The following DPF3 variants were observed in gnomAD, a reference collection of about 807,000 sequenced individuals.
DPF3 encodes double PHD fingers 3.
Under a neutral mutation model 56.8 loss-of-function variants are expected in DPF3, and 18 were observed. The observed-to-expected ratio is 0.32, with a 90% CI of 0.22 to 0.47. DPF3 has a LOEUF of 0.47. Among genes scored for constraint, DPF3 ranks in the 20% least tolerant of loss-of-function variants. DPF3 has a pLI of 1.00. For synonymous variants in DPF3, 188 were observed against 180.2 expected (o/e 1.04, Z -0.35); for missense variants, 403 against 488.8 (o/e 0.82, Z 1.65).
chr14:72,863,122 GTGTGTGTGTGTGTGTATATATATA>G (rs1885515045), intron 1 of DPF3, among the ~76,000 whole-genome samples: 2 of 77,112 alleles, frequency 2.6e-5, no homozygotes, highest in African/African-American at 1.5e-4. Context: ...ACATATATGT[GTGTGTGTGTGTGTGTATATATATA>G]TGTGTGTGTG....
At chr14:72,661,560 C>A in intron 8 of DPF3, 2 of 985,544 alleles carry the variant, frequency 2.0e-6, no homozygotes, top group Non-Finnish European at 2.4e-6. Context: ...GTCAGCCCTG[C>A]ACCTTTGCTG....
At chr14:72,712,740 G>A (rs1226240828) in intron 6 of DPF3, among the ~76,000 whole-genome samples, 1 of 152,092 alleles carries the variant, frequency 6.6e-6, no homozygotes, top group Non-Finnish European at 1.5e-5. Context: ...AGTGGCATGG[G>A]CCTGTAGTCC....
chr14:72,720,329 A>G (rs1422084473), intron 5 of DPF3, among the ~76,000 whole-genome samples: 1 of 145,458 alleles, frequency 6.9e-6, no homozygotes, highest in Non-Finnish European at 1.5e-5. Flanking sequence ...CCCCATCTCT[A>G]AAACATAATA....
intron 1 of DPF3, among the ~76,000 whole-genome samples, chr14:72,893,569 C>T (rs1445352297): frequency 1.2e-4 from 18 of 152,016 alleles, no homozygotes; most frequent in Non-Finnish European, 2.4e-4. Context: ...GCGGTCCGTC[C>T]GCTGGACCCA....
chr14:72,721,234 A>G, intron 5 of DPF3, among the ~76,000 whole-genome samples: 1 of 152,202 alleles, frequency 6.6e-6, no homozygotes, highest in East Asian at 1.9e-4. Flanking sequence ...CAGGAAGTAC[A>G]CAGTAAATAT....
chr14:72,738,737 T>C (rs559215169), intron 3 of DPF3, among the ~76,000 whole-genome samples: 1 of 152,278 alleles, frequency 6.6e-6, no homozygotes, highest in South Asian at 2.1e-4. Flanking sequence ...TTATTAGTAA[T>C]GAAAATTGCT....
chr14:72,667,049 A>G (rs893071981), intron 8 of DPF3, among the ~76,000 whole-genome samples: 2 of 152,236 alleles, frequency 1.3e-5, no homozygotes, highest in Non-Finnish European at 2.9e-5. Flanking sequence ...AAGCAGTATC[A>G]GTCTGTAGCC....
intron 8 of DPF3, among the ~76,000 whole-genome samples, chr14:72,666,227 C>T (rs1024024166): frequency 4.6e-5 from 7 of 152,228 alleles, no homozygotes; most frequent in Non-Finnish European, 1.0e-4. Context: ...ACCACAAAAA[C>T]AGTGACCATT....
At chr14:72,644,732 C>A (rs946583602) in intron 8 of DPF3, among the ~76,000 whole-genome samples, 1 of 152,180 alleles carries the variant, frequency 6.6e-6, no homozygotes, top group African/African-American at 2.4e-5. Flanking sequence ...TCACGAGGCC[C>A]TTCTGGATAA....
chr14:72,809,889 T>C (rs1007229947), intron 1 of DPF3, among the ~76,000 whole-genome samples: 2 of 152,208 alleles, frequency 1.3e-5, no homozygotes, highest in Non-Finnish European at 2.9e-5. Context: ...GCTGAATGAC[T>C]CTGGGCAGTT....
intron 8 of DPF3, among the ~76,000 whole-genome samples, chr14:72,648,779 GTC>G (rs145132813): frequency 2.0e-5 from 3 of 150,526 alleles, no homozygotes; most frequent in South Asian, 2.1e-4. Context: ...CATCGTCAAT[GTC>G]TCTCTCTCTC....
rs1884198485 is a variant in DPF3 at position 72,618,057 on chromosome 14, C to CA, written c.*1239dup. On this transcript the variant is annotated 3_prime_UTR_variant, in exon 11 of 11. Transcript: ENST00000556509. The stretch of plus-strand genomic sequence containing the variant: ...CCTCCCCACCTCTTTCTTCTAGACA[C>CA]ATTTTTTTTTGAAAACAAGAGTCCT... 9.0e-6 allele frequency among the ~76,000 whole-genome samples: 1 copy of CA among 111,470 alleles called. No homozygotes were observed. The highest frequency in any genetic ancestry group is 8.9e-5 in the Admixed American group (1 of 11,184). 73.1% of individuals were successfully genotyped at this position (111,470 alleles called of 152,430 possible). A position where few individuals can be genotyped will look rare whatever the true frequency, so the allele number is the denominator to read the frequency against.
intron 2 of DPF3, among the ~76,000 whole-genome samples, chr14:72,765,751 T>A (rs1164767824): frequency 6.6e-6 from 1 of 152,024 alleles, no homozygotes; most frequent in African/African-American, 2.4e-5. Flanking sequence ...ATCGAGACCA[T>A]CCTGGCTAAC....
At chr14:72,689,969 C>T (rs1887603521) in intron 7 of DPF3, among the ~76,000 whole-genome samples, 1 of 152,060 alleles carries the variant, frequency 6.6e-6, no homozygotes, top group African/African-American at 2.4e-5. Flanking sequence ...TGTGGGGAGG[C>T]CCCGGATCCG....
At chr14:72,729,530 G>C (rs1242021486) in intron 4 of DPF3, among the ~76,000 whole-genome samples, 6 of 152,146 alleles carry the variant, frequency 3.9e-5, no homozygotes, top group Admixed American at 3.9e-4. Flanking sequence ...GATAAGAATA[G>C]ACTTAAATTT....
At chr14:72,670,942 C>A (rs1001621150) in intron 8 of DPF3, 2 of 1,316,708 alleles carry the variant, frequency 1.5e-6, no homozygotes, top group Non-Finnish European at 1.9e-6. Context: ...GTAGTTTGTG[C>A]TTCTGTTGTA....
chr14:72,893,740 G>C (rs1437916531), intron 1 of DPF3, among the ~76,000 whole-genome samples: 1 of 151,770 alleles, frequency 6.6e-6, no homozygotes, highest in Non-Finnish European at 1.5e-5. Context: ...CGCCGTCCCC[G>C]AGCTCCCGCG....
At chr14:72,646,702 T>G (rs1303743503) in intron 8 of DPF3, among the ~76,000 whole-genome samples, 1 of 152,210 alleles carries the variant, frequency 6.6e-6, no homozygotes, top group South Asian at 2.1e-4. Flanking sequence ...CTTGCCTCCA[T>G]GCGGAATTTT....
chr14:72,669,479 C>G (rs1490652198), intron 8 of DPF3, among the ~76,000 whole-genome samples: 2 of 152,174 alleles, frequency 1.3e-5, no homozygotes, highest in African/African-American at 4.8e-5. Context: ...TTGGACTCAT[C>G]CCCTTGGTTT....
Sources: allele counts gnomAD v4.1 joint callset (sites outside exome capture counted in the v4.1 genomes callset), GRCh38; gene constraint gnomAD v4.1.1; transcripts MANE v1.5; gene names NCBI Gene and HGNC (gene_info 2026-07-23, HGNC 2026-07-21).